Variants in SAMD12 observed in about 807,000 individuals in gnomAD.
SAMD12 encodes the protein sterile alpha motif domain containing 12.
In SAMD12, 9 loss-of-function variants were observed where a neutral mutation model predicts 15.0. That is an observed-to-expected ratio of 0.60 (90% CI 0.36 to 1.05). The LOEUF is 1.05. Among genes scored for constraint, SAMD12 ranks in the 50% least tolerant of loss-of-function variants. The pLI, the probability that SAMD12 is intolerant of heterozygous loss-of-function variation, is 0.01. For missense variants in SAMD12, 230 were observed against 234.2 expected (o/e 0.98, Z 0.12); for synonymous variants, 86 against 90.1 (o/e 0.96, Z 0.25).
At chr8:118,606,096 A>C (rs1240433687) in intron 1 of SAMD12, among the ~76,000 whole-genome samples, 2 of 152,168 alleles carry the variant, frequency 1.3e-5, no homozygotes, top group Non-Finnish European at 2.9e-5. Flanking sequence ...CTAGGAAAAA[A>C]CGAAAGGAAC....
chr8:118,318,681 C>T (rs1816073207), intron 4 of SAMD12, among the ~76,000 whole-genome samples: 1 of 151,846 alleles, frequency 6.6e-6, no homozygotes, highest in African/African-American at 2.4e-5. Flanking sequence ...ATCCATGTAA[C>T]CAAAAACCAC....
chr8:118,602,977 T>C (rs1586849963), intron 1 of SAMD12, among the ~76,000 whole-genome samples: 1 of 151,990 alleles, frequency 6.6e-6, no homozygotes, highest in South Asian at 2.1e-4. Context: ...ATAGAAACAT[T>C]ACATCCACAA....
chr8:118,394,695 A>T (rs573294732), intron 3 of SAMD12: 1 of 152,348 alleles, frequency 6.6e-6, no homozygotes. Context: ...ACAGTCACCT[A>T]GTAGACCCAG....
intron 1 of SAMD12, among the ~76,000 whole-genome samples, chr8:118,620,327 C>T (rs960312666): frequency 3.0e-5 from 4 of 133,166 alleles, no homozygotes; most frequent in Non-Finnish European, 4.6e-5. Flanking sequence ...GTCTCAAGCT[C>T]AAGATGAACT....
At chr8:118,543,275 G>C (rs899265134) in intron 2 of SAMD12, among the ~76,000 whole-genome samples, 2 of 152,058 alleles carry the variant, frequency 1.3e-5, no homozygotes, top group African/African-American at 2.4e-5. Context: ...CCACACTCAC[G>C]ATGCCAATTA....
chr8:118,496,946 C>T lies in SAMD12; in HGVS notation c.193-56985G>A, dbSNP rs1228557875. 1.2e-4 allele frequency among the ~76,000 whole-genome samples: 18 copies of T among 149,916 alleles called. No homozygotes were observed. The South Asian group carries it at 3.1e-3, about 26-fold the overall frequency. ...CACACACTTCTCAAAAGAAGATATA[C>T]ATAGCCAACAAGCATATGAAAAAAT... On this transcript the variant is annotated intron_variant, in intron 2 of 3. Transcript: ENST00000314727.
intron 2 of SAMD12, among the ~76,000 whole-genome samples, chr8:118,542,172 C>A: frequency 6.6e-6 from 1 of 152,092 alleles, no homozygotes; most frequent in South Asian, 2.1e-4. Flanking sequence ...GCTGCATAGA[C>A]AATAAGTAAG....
chr8:118,311,422 A>G (rs1250366686), intron 4 of SAMD12, among the ~76,000 whole-genome samples: 2 of 152,196 alleles, frequency 1.3e-5, no homozygotes, highest in Non-Finnish European at 2.9e-5. Context: ...ACCACAGCAG[A>G]GTTGAGTCAT....
At chr8:118,579,358 G>A (rs914046634) in intron 2 of SAMD12, among the ~76,000 whole-genome samples, 1 of 152,042 alleles carries the variant, frequency 6.6e-6, no homozygotes, top group Non-Finnish European at 1.5e-5. Flanking sequence ...TCTTAACAGG[G>A]TTCACTCATT....
intron 4 of SAMD12, among the ~76,000 whole-genome samples, chr8:118,337,377 CA>C (rs1370564201): frequency 6.6e-6 from 1 of 152,116 alleles, no homozygotes; most frequent in African/African-American, 2.4e-5. Context: ...CCCTCCAAAG[CA>C]GGGAGACCAA....
chr8:118,141,485 G>C, the SAMD12 span, among the ~76,000 whole-genome samples: 2 of 152,138 alleles, frequency 1.3e-5, no homozygotes, highest in South Asian at 2.1e-4. Context: ...ATAAATAACA[G>C]AATCAAATCT....
chr8:118,458,015 T>C (rs1211263154), intron 2 of SAMD12, among the ~76,000 whole-genome samples: 1 of 152,194 alleles, frequency 6.6e-6, no homozygotes, highest in Non-Finnish European at 1.5e-5. Flanking sequence ...TTTGTGGAAA[T>C]GAAATCTTGA....
At chr8:118,163,310 GCTC>G in the SAMD12 span, among the ~76,000 whole-genome samples, 1 of 152,080 alleles carries the variant, frequency 6.6e-6, no homozygotes, top group Non-Finnish European at 1.5e-5. Context: ...AAAATCCTGG[GCTC>G]AAGCAATCCT....
At chr8:118,357,973 A>G (rs1323039060) in intron 4 of SAMD12, among the ~76,000 whole-genome samples, 1 of 151,982 alleles carries the variant, frequency 6.6e-6, no homozygotes, top group East Asian at 1.9e-4. Context: ...GTGAGACACC[A>G]TCTCTACAAA....
chr8:118,382,589 G>A (rs561133612), intron 3 of SAMD12, among the ~76,000 whole-genome samples: 12 of 152,282 alleles, frequency 7.9e-5, no homozygotes, highest in African/African-American at 2.4e-4. Context: ...TTCATTTTCC[G>A]ACTGTGTGAT....
intron 2 of SAMD12, among the ~76,000 whole-genome samples, chr8:118,458,572 G>C (rs940417089): frequency 6.6e-6 from 1 of 152,158 alleles, no homozygotes. Flanking sequence ...CTCAGAAAAA[G>C]ATTCCAAACT....
At chr8:118,204,348 C>CGAGT (rs1332748548) in intron 4 of SAMD12, among the ~76,000 whole-genome samples, 9 of 152,216 alleles carry the variant, frequency 5.9e-5, no homozygotes, top group African/African-American at 2.2e-4. Context: ...CCATGTCTGC[C>CGAGT]ACTCTCTGCC....
At chr8:118,517,156 G>C (rs573360516) in intron 2 of SAMD12, among the ~76,000 whole-genome samples, 1 of 152,060 alleles carries the variant, frequency 6.6e-6, no homozygotes, top group Admixed American at 6.6e-5. Context: ...GCTCAAAGGG[G>C]GTATAAGATA....
At chr8:118,496,639 A>G (rs1156729452) in intron 2 of SAMD12, among the ~76,000 whole-genome samples, 1 of 152,134 alleles carries the variant, frequency 6.6e-6, no homozygotes, top group Non-Finnish European at 1.5e-5. Context: ...CCTAGAAAAC[A>G]CCATTCTGGA....
Sources: allele counts gnomAD v4.1 joint callset (sites outside exome capture counted in the v4.1 genomes callset), GRCh38; gene constraint gnomAD v4.1.1; transcripts MANE v1.5; gene names NCBI Gene and HGNC (gene_info 2026-07-23, HGNC 2026-07-21).